The following CTNNA1 variants were observed in gnomAD, a reference collection of about 807,000 sequenced individuals.
The protein encoded by CTNNA1 is catenin alpha-1.
In CTNNA1, 37 loss-of-function variants were observed where a neutral mutation model predicts 98.4. That is an observed-to-expected ratio of 0.38 (90% CI 0.29 to 0.49). The LOEUF (loss-of-function observed/expected upper bound fraction) is 0.49. Ranked by LOEUF, CTNNA1 falls within the 20% of genes least tolerant of loss-of-function variation. The pLI, the probability that CTNNA1 is intolerant of heterozygous loss-of-function variation, is 0.95. For synonymous variants in CTNNA1, 404 were observed against 413.2 expected, an observed-to-expected ratio of 0.98 and a Z score of 0.27; for missense variants, 761 against 1,147.2, an observed-to-expected ratio of 0.66 and a Z score of 4.86.
intron 12 of CTNNA1, 115 bp downstream of exon 12, chr5:138,924,825 C>G: frequency 1.1e-6 from 1 of 932,572 alleles, no homozygotes; most frequent in Non-Finnish European, 1.6e-6. Flanking sequence ...CAGATTTGGT[C>G]TCATGGCACA....
intron 4 of CTNNA1, among the ~76,000 whole-genome samples, chr5:138,811,075 C>A (rs1324405111): frequency 6.6e-6 from 1 of 152,146 alleles, no homozygotes; most frequent in Admixed American, 6.5e-5. Context: ...TCCTCACTTC[C>A]CAGACGGTGT....
intron 7 of CTNNA1, among the ~76,000 whole-genome samples, chr5:138,866,647 T>A (rs1428517772): frequency 6.6e-6 from 1 of 152,132 alleles, no homozygotes. Context: ...TCAGCCTCCA[T>A]ATATAGAGGG....
intron 1 of CTNNA1, chr5:138,753,719 G>T (rs1002828624): frequency 6.2e-6 from 2 of 322,278 alleles, no homozygotes; most frequent in African/African-American, 2.2e-5. Context: ...CAGGGCCCGA[G>T]TATGGGGCCC....
Position 138,874,025 on chromosome 5 carries a change from T to G in CTNNA1, c.1063-12187T>G. The G allele has an allele frequency of 6.2e-7, 1 of 1,613,930 alleles. No homozygotes were observed. Among genetic ancestry groups the G allele is most frequent in the Non-Finnish European group, 8.5e-7 (1 of 1,179,872 alleles). ...ATCCAGAAACTCCAGACTACGACAG[T>G]CCCAGAACAGGCGTACTGGGATAGT... On this transcript the variant is annotated intron_variant, in intron 7 of 17. Coordinates refer to ENST00000302763, the MANE Select transcript of CTNNA1 (RefSeq NM_001903.5). This position sits in a 1 kb window ranked among gnomAD's most constrained non-coding sequence, Gnocchi z 4.1.
At chr5:138,835,947 G>C (rs1761731682) in intron 7 of CTNNA1, among the ~76,000 whole-genome samples, 1 of 152,198 alleles carries the variant, frequency 6.6e-6, no homozygotes, top group Admixed American at 6.5e-5. Flanking sequence ...CCTGATTCAA[G>C]TGATTTTCAT....
intron 7 of CTNNA1, among the ~76,000 whole-genome samples, chr5:138,833,719 A>G (rs1761501478): frequency 6.6e-6 from 1 of 152,236 alleles, no homozygotes; most frequent in Non-Finnish European, 1.5e-5. Flanking sequence ...AATGTCCAGA[A>G]TGGCATGGTA....
chr5:138,889,515 C>G (rs959142037), intron 9 of CTNNA1, among the ~76,000 whole-genome samples: 2 of 152,148 alleles, frequency 1.3e-5, no homozygotes, highest in African/African-American at 4.8e-5. Flanking sequence ...CCTAATACCC[C>G]ACTGAAGCAT....
At chr5:138,886,439 A>G (rs1462479119) in intron 8 of CTNNA1, 147 bp downstream of exon 8, 10 of 811,090 alleles carry the variant, frequency 1.2e-5, no homozygotes, top group Middle Eastern at 7.0e-4. Flanking sequence ...TTTTGTTGCT[A>G]ATATGCTTCT....
chr5:138,846,014 C>T (rs1318686853), intron 7 of CTNNA1, among the ~76,000 whole-genome samples: 1 of 152,082 alleles, frequency 6.6e-6, no homozygotes, highest in African/African-American at 2.4e-5. Flanking sequence ...GCAACCTCCG[C>T]CCCCTAGGTT....
intron 9 of CTNNA1, among the ~76,000 whole-genome samples, chr5:138,904,033 C>A (rs1758643160): frequency 6.6e-6 from 1 of 152,218 alleles, no homozygotes; most frequent in Admixed American, 6.5e-5. Flanking sequence ...ATTGCCCATA[C>A]TAGAAGAACC....
chr5:138,796,991 T>C (rs1757055065), intron 3 of CTNNA1, among the ~76,000 whole-genome samples: 1 of 152,194 alleles, frequency 6.6e-6, no homozygotes, highest in South Asian at 2.1e-4. Context: ...AGATTGGGGC[T>C]ACAGATACCC....
intron 7 of CTNNA1, among the ~76,000 whole-genome samples, chr5:138,847,192 T>A (rs1326563901): frequency 6.6e-6 from 1 of 152,198 alleles, no homozygotes; most frequent in Admixed American, 6.5e-5. Context: ...AAAAATAGGT[T>A]TTTACTTTTT....
At chr5:138,925,207 A>G in intron 12 of CTNNA1, 49 bp from the exon 13 acceptor site, 1 of 1,591,896 alleles carries the variant, frequency 6.3e-7, no homozygotes, top group Non-Finnish European at 8.6e-7. Flanking sequence ...GGCCAGGGGA[A>G]TGATGCTGCC....
intron 7 of CTNNA1, among the ~76,000 whole-genome samples, chr5:138,837,675 G>T (rs1390821215): frequency 6.6e-6 from 1 of 151,450 alleles, no homozygotes; most frequent in African/African-American, 2.4e-5. Flanking sequence ...GGCTGGGACT[G>T]CAGTGGTGCA....
chr5:138,755,093 T>G (rs543852012), intron 1 of CTNNA1: 1 of 152,304 alleles, frequency 6.6e-6, no homozygotes, highest in South Asian at 2.1e-4. Flanking sequence ...GAATAATTTT[T>G]TAATCCACCT....
chr5:138,770,978 C>T (rs554884169), intron 1 of CTNNA1, among the ~76,000 whole-genome samples: 81 of 151,234 alleles, frequency 5.4e-4, no homozygotes, highest in Admixed American at 1.1e-3. Flanking sequence ...CAAAAACAAA[C>T]GAACAAAAAA....
intron 17 of CTNNA1, 120 bp downstream of exon 17, chr5:138,932,832 C>A: frequency 7.9e-7 from 1 of 1,265,438 alleles, no homozygotes; most frequent in African/African-American, 1.5e-5. Context: ...GCAGAAACTC[C>A]AAGTCCTGTC....
chr5:138,823,341 C>G (rs1212503663), intron 5 of CTNNA1, among the ~76,000 whole-genome samples: 2 of 152,100 alleles, frequency 1.3e-5, no homozygotes, highest in Non-Finnish European at 2.9e-5. Flanking sequence ...GACCTCAAAT[C>G]CTTCTTACTG....
intron 7 of CTNNA1, among the ~76,000 whole-genome samples, chr5:138,829,495 C>T (rs1761052154): frequency 6.6e-6 from 1 of 152,140 alleles, no homozygotes. Context: ...GTTTTAGAGC[C>T]TCCTAATCAG....
Sources: gnomAD v4.1 joint callset for allele counts (sites outside exome capture counted in the v4.1 genomes callset) on GRCh38, gnomAD v4.1.1 for gene constraint, Gnocchi (gnomAD v3.1) non-coding constraint, MANE v1.5 for transcripts, NCBI Gene and HGNC (gene_info 2026-07-23, HGNC 2026-07-21) for gene names.